ATP2B4: variants seen among roughly 807,000 people sequenced by gnomAD.
The protein encoded by ATP2B4 is ATPase plasma membrane Ca2+ transporting 4.
A neutral mutation model predicts 110.3 loss-of-function variants in ATP2B4; 39 were observed. The ratio of observed to expected loss-of-function variants is 0.35; its 90% CI spans 0.27 to 0.46. ATP2B4 has a LOEUF of 0.46. ATP2B4 is among the 20% of genes least tolerant of loss of function. The probability of loss-of-function intolerance (pLI) is 1.00; values close to 1 mark genes in which losing one functional copy is unlikely to be tolerated. For missense variants in ATP2B4, 1,135 were observed against 1,530.9 expected, an observed-to-expected ratio of 0.74 and a Z score of 4.32; for synonymous variants, 538 against 571.7, an observed-to-expected ratio of 0.94 and a Z score of 0.84.
chr1:203,695,323 G>T lies in ATP2B4; in HGVS notation c.194-2834G>T, dbSNP rs557322366. Among the ~76,000 whole-genome samples, 49 of 152,298 alleles carry T rather than the reference G, an allele frequency of 3.2e-4. No homozygotes were observed. In the South Asian group the frequency reaches 6.0e-3, roughly 19 times the overall value. On this transcript the variant is annotated intron_variant, in intron 2 of 20. Transcript: ENST00000357681. ...AGGACCAGCAAGGCCCTGCCCCTTTGGCAAGTCTGCCTCTGCCTGTCTGGG... is the reference window on the plus strand; with the variant it reads ...AGGACCAGCAAGGCCCTGCCCCTTTTGCAAGTCTGCCTCTGCCTGTCTGGG...
chr1:203,635,642 C>T (rs926596628), intron 1 of ATP2B4, among the ~76,000 whole-genome samples: 2 of 151,868 alleles, frequency 1.3e-5, no homozygotes, highest in Non-Finnish European at 2.9e-5. Context: ...CAGAGTGAGA[C>T]CCTGTCTCAA....
In ATP2B4 at chr1:203,714,239, G is replaced by A. The variant is rs1196171181; in HGVS notation, c.2368G>A (p.Gly790Arg). ...VAVTGDGTND[G>R]PALKKADVGF... is the part of the protein sequence containing the mutation. ...TGTCACTGGTGATGGCACAAATGAC[G>A]GGCCTGCTCTGAAGAAAGCGGATGT... Residue 790 changes from glycine to arginine, a missense_variant, in exon 15 of 21, where the codon GGG becomes AGG. By Grantham distance (125) the Gly-to-Arg change is moderately radical. Transcript: ENST00000357681. 1 of 1,614,020 alleles carries A rather than the reference G, an allele frequency of 6.2e-7. No homozygotes were observed. Among genetic ancestry groups the A allele is most frequent in the Non-Finnish European group, 8.5e-7 (1 of 1,180,024 alleles).
intron 12 of ATP2B4, 58 bp from the exon 13 acceptor site, chr1:203,711,902 C>A: frequency 6.4e-7 from 1 of 1,567,056 alleles, no homozygotes; most frequent in Non-Finnish European, 8.7e-7. Flanking sequence ...CAAACAGGGA[C>A]AGCTTACCAG....
In ATP2B4 at chr1:203,683,133, G is replaced by T. The variant is rs1338802087; in HGVS notation, c.-73G>T. On this transcript the variant is annotated 5_prime_UTR_variant, in exon 2 of 21. Coordinates refer to ENST00000357681, the MANE Select transcript of ATP2B4 (RefSeq NM_001684.5). ...AGTAGGAAGAAGTTGAGACAGGGAG[G>T]CAGGAGACACTGGTCAGTTGAAGGG... is the stretch of plus-strand genomic sequence containing the variant. The T allele has an allele frequency of 2.0e-6, 3 of 1,512,880 alleles. No homozygotes were observed. The Admixed American group carries it at 5.8e-5, about 29-fold the overall frequency. 93.7% of individuals were successfully genotyped at this position (1,512,880 alleles called of 1,614,324 possible). A position where few individuals can be genotyped will look rare whatever the true frequency, so the allele number is the denominator to read the frequency against.
rs112149203 is a variant in ATP2B4 at position 203,697,235 on chromosome 1, G to A, written c.194-922G>A. On this transcript the variant is annotated intron_variant, in intron 2 of 20. Transcript: ENST00000357681. ...AATGCCCACAAGTTATAGTCTTAAA[G>A]ACTCTGCCCTGATGCTCCCCTAAAG... 9.5e-4 allele frequency among the ~76,000 whole-genome samples: 145 copies of A among 152,288 alleles called. 1 individual carries two copies. The highest frequency in any genetic ancestry group is 3.3e-3 in the African/African-American group (136 of 41,564).
intron 20 of ATP2B4, among the ~76,000 whole-genome samples, chr1:203,735,542 G>T (rs928919351): frequency 6.6e-6 from 1 of 151,860 alleles, no homozygotes; most frequent in Non-Finnish European, 1.5e-5. Context: ...CAGTTGCCTT[G>T]TCTGTGGTTC....
chr1:203,706,296 A>C, intron 8 of ATP2B4, among the ~76,000 whole-genome samples: 1 of 152,202 alleles, frequency 6.6e-6, no homozygotes, highest in East Asian at 1.9e-4. Context: ...TTACTCTACC[A>C]ATGGGCCATA....
At chr1:203,658,958 C>G (rs187967478) in intron 1 of ATP2B4, among the ~76,000 whole-genome samples, 38 of 150,296 alleles carry the variant, frequency 2.5e-4, no homozygotes, top group African/African-American at 8.1e-4. Flanking sequence ...GAGCCGAGAT[C>G]GCGCCACTGC....
At chr1:203,737,173 A>C (rs548877716) in intron 20 of ATP2B4, among the ~76,000 whole-genome samples, 4 of 152,290 alleles carry the variant, frequency 2.6e-5, no homozygotes, top group African/African-American at 9.6e-5. Flanking sequence ...AAAGCCAACA[A>C]ACAGGGCTCC....
At chr1:203,631,300 G>A (rs1165080773) in intron 1 of ATP2B4, among the ~76,000 whole-genome samples, 2 of 152,224 alleles carry the variant, frequency 1.3e-5, no homozygotes, top group African/African-American at 4.8e-5. Context: ...AAGATCCTCA[G>A]CCTCATTACT....
chr1:203,732,565 T>A (rs549563790), intron 20 of ATP2B4, among the ~76,000 whole-genome samples: 1 of 152,152 alleles, frequency 6.6e-6, no homozygotes, highest in African/African-American at 2.4e-5. Context: ...GGCTACTAAA[T>A]GGCCCCTGTT....
intron 9 of ATP2B4, 138 bp downstream of exon 9, chr1:203,707,361 G>C (rs1665879157): frequency 4.1e-6 from 3 of 737,634 alleles, no homozygotes; most frequent in Non-Finnish European, 6.4e-6. Flanking sequence ...GAAGTCCCTG[G>C]TATTATGGAA....
intron 1 of ATP2B4, among the ~76,000 whole-genome samples, chr1:203,662,228 G>A (rs576514089): frequency 7.2e-5 from 11 of 152,172 alleles, no homozygotes; most frequent in Middle Eastern, 3.4e-3. Context: ...GGGTTTCACC[G>A]TGTTAGCCAG....
At chr1:203,704,505 G>T (rs1296007731) in intron 8 of ATP2B4, among the ~76,000 whole-genome samples, 1 of 112,468 alleles carries the variant, frequency 8.9e-6, no homozygotes, top group African/African-American at 3.8e-5. Context: ...TTTTGAGATG[G>T]CGTCTTCCTC....
At chr1:203,715,303 A>T (rs1666130129) in intron 15 of ATP2B4, among the ~76,000 whole-genome samples, 1 of 141,262 alleles carries the variant, frequency 7.1e-6, no homozygotes, top group African/African-American at 2.6e-5. Flanking sequence ...CCCCTCATTG[A>T]CTATTTGATT....
intron 1 of ATP2B4, among the ~76,000 whole-genome samples, chr1:203,635,605 T>G (rs79770657): frequency 0.014 from 2,193 of 152,128 alleles, 60 homozygotes; most frequent in African/African-American, 0.05. Context: ...TGAGCCGTGA[T>G]CATGAAACTA....
At position 203,700,455 on chromosome 1, in the gene ATP2B4, C is replaced by G; in HGVS notation, c.775+124C>G. 3.0e-6 allele frequency: 4 copies of G among 1,338,010 alleles called. No homozygotes were observed. The South Asian group carries it at 5.9e-5, about 20-fold the overall frequency. The allele number at this position is 1,338,010 out of a possible 1,614,324, so 82.9% of individuals were successfully genotyped here. ...CTTCCCTGGGGTTCAGCTGGGGCAACAGCATTTTGGTGGGTGGAATACAAG... is the reference window on the plus strand; with the variant it reads ...CTTCCCTGGGGTTCAGCTGGGGCAAGAGCATTTTGGTGGGTGGAATACAAG... On this transcript the variant is annotated intron_variant, in intron 5 of 20. Transcript: ENST00000357681.
In ATP2B4 at chr1:203,724,865, C is replaced by CTCTTTTTTTTTTTTTTTTTTTTTTT. The variant is rs1214526316; in HGVS notation, c.3132+878_3132+879insCTTTTTTTTTTTTTTTTTTTTTTTT. Among the ~76,000 whole-genome samples, 4 of 101,454 alleles carry CTCTTTTTTTTTTTTTTTTTTTTTTT rather than the reference C, an allele frequency of 3.9e-5. 1 individual carries two copies. The highest frequency in any genetic ancestry group is 7.5e-5 in the Non-Finnish European group (4 of 53,392). 66.6% of individuals were successfully genotyped at this position (101,454 alleles called of 152,430 possible). A position where few individuals can be genotyped will look rare whatever the true frequency, so the allele number is the denominator to read the frequency against. On this transcript the variant is annotated intron_variant, in intron 19 of 20. Coordinates refer to ENST00000357681, the MANE Select transcript of ATP2B4 (RefSeq NM_001684.5). ...ACTGCCTGGGTTTGAATCCAGCTCT[C>CTCTTTTTTTTTTTTTTTTTTTTTTT]TGTTTTTTTTTTTTTTTTTTTTTTT...
chr1:203,727,138 G>A (rs1024690804), intron 19 of ATP2B4, among the ~76,000 whole-genome samples: 3 of 152,176 alleles, frequency 2.0e-5, no homozygotes, highest in East Asian at 1.9e-4. Flanking sequence ...CCAGGCAGAT[G>A]GCTGGTCAAT....
Sources: gnomAD v4.1 joint callset for allele counts (sites outside exome capture counted in the v4.1 genomes callset) on GRCh38, gnomAD v4.1.1 for gene constraint, MANE v1.5 for transcripts, NCBI Gene and HGNC (gene_info 2026-07-23, HGNC 2026-07-21) for gene names.